Variants in CTTNBP2 observed in about 807,000 individuals in gnomAD.
The protein encoded by CTTNBP2 is cortactin binding protein 2, also known as cortactin-binding protein 2.
A neutral mutation model predicts 156.9 loss-of-function variants in CTTNBP2; 108 were observed. That is an observed-to-expected ratio of 0.69 (90% CI 0.59 to 0.81). The LOEUF (loss-of-function observed/expected upper bound fraction) is 0.81. Ranked by LOEUF, CTTNBP2 falls within the 30% of genes least tolerant of loss-of-function variation. CTTNBP2 has a pLI of 0.00. For synonymous variants in CTTNBP2, 767 were observed against 751.8 expected (o/e 1.02, Z -0.33); for missense variants, 1,924 against 2,035.4 (o/e 0.95, Z 1.05).
intron 12 of CTTNBP2, among the ~76,000 whole-genome samples, chr7:117,746,880 T>G (rs1796360542): frequency 6.6e-6 from 1 of 152,214 alleles, no homozygotes; most frequent in Non-Finnish European, 1.5e-5. Flanking sequence ...TTTATCCTCG[T>G]GTATAAGGAT....
chr7:117,795,137 C>A (rs998074878), intron 3 of CTTNBP2, among the ~76,000 whole-genome samples: 1 of 136,302 alleles, frequency 7.3e-6, no homozygotes, highest in African/African-American at 2.8e-5. Flanking sequence ...ACCTCATGAT[C>A]CACCCGCCTC....
intron 2 of CTTNBP2, among the ~76,000 whole-genome samples, chr7:117,837,864 C>G (rs1159125907): frequency 6.6e-6 from 1 of 152,034 alleles, no homozygotes; most frequent in Non-Finnish European, 1.5e-5. Context: ...GCCCAGATAC[C>G]CCAGAAAAGT....
intron 9 of CTTNBP2, among the ~76,000 whole-genome samples, chr7:117,764,109 G>GTACC (rs1797352275): frequency 6.6e-6 from 1 of 151,780 alleles, no homozygotes; most frequent in African/African-American, 2.4e-5. Context: ...CTCTTACTAG[G>GTACC]TACCAGTCAT....
At chr7:117,720,464 G>A (rs1316812453) in intron 20 of CTTNBP2, among the ~76,000 whole-genome samples, 1 of 152,122 alleles carries the variant, frequency 6.6e-6, no homozygotes, top group Non-Finnish European at 1.5e-5. Context: ...GGGAGGCCTA[G>A]GCAGATGGAT....
At chr7:117,740,493 G>T (rs1219290703) in intron 14 of CTTNBP2, among the ~76,000 whole-genome samples, 8 of 151,926 alleles carry the variant, frequency 5.3e-5, no homozygotes, top group African/African-American at 1.9e-4. Flanking sequence ...TCTCTTTAGA[G>T]AAAATAAGGT....
rs376821321 is a variant in CTTNBP2 at position 117,728,204 on chromosome 7, C to T, written c.3940G>A (p.Val1314Ile). Residue 1314 changes from valine to isoleucine, a missense_variant, in exon 17 of 23, where the codon GTC becomes ATC. By Grantham distance (29) the Val-to-Ile change is conservative. Coordinates refer to ENST00000160373, the MANE Select transcript of CTTNBP2 (RefSeq NM_033427.3). ...AGGCAGGAGTTAAGCTGACGCCAGA[C>T]GGACAGAGCCCAGTCGACAATCTTG... ...VCKIVDWALS[V>I]WRQLNSCLAR... 109 of 1,614,148 alleles carry T rather than the reference C, an allele frequency of 6.8e-5. No individual in the cohort carries two copies. Among genetic ancestry groups the T allele is most frequent in the African/African-American group, 9.3e-5 (7 of 75,052 alleles).
At chr7:117,830,235 T>A (rs1418051230) in intron 2 of CTTNBP2, among the ~76,000 whole-genome samples, 1 of 152,224 alleles carries the variant, frequency 6.6e-6, no homozygotes, top group Non-Finnish European at 1.5e-5. Context: ...CACAAGTACA[T>A]GTACAGCGTG....
At chr7:117,811,057 G>A (rs1800245746) in intron 2 of CTTNBP2, 68 bp from the exon 3 acceptor site, 3 of 1,243,296 alleles carry the variant, frequency 2.4e-6, no homozygotes, top group Non-Finnish European at 3.4e-6. Flanking sequence ...TTTATAAGAA[G>A]GTTTTGTGAT....
chr7:117,711,311 G>T lies in CTTNBP2; in HGVS notation c.*226C>A. 2.2e-6 allele frequency: 1 copy of T among 453,628 alleles called. No homozygotes were observed. Among genetic ancestry groups the T allele is most frequent in the Non-Finnish European group, 3.9e-6 (1 of 257,616 alleles). 28.1% of individuals were successfully genotyped at this position (453,628 alleles called of 1,614,324 possible). ...TATTATAAAACTACTTGAAAAGTTG[G>T]CATAACTTCCTGGTATTGAAGTTCA... On this transcript the variant is annotated 3_prime_UTR_variant, in exon 23 of 23. Transcript: ENST00000160373.
At chr7:117,841,522 C>T (rs143304281) in intron 2 of CTTNBP2, among the ~76,000 whole-genome samples, 77 of 152,138 alleles carry the variant, frequency 5.1e-4, no homozygotes, top group African/African-American at 1.8e-3. Context: ...TCTATATATA[C>T]ATGTGCCAGA....
At chr7:117,871,815 A>ACC (rs1400070953) in intron 1 of CTTNBP2, 1 of 373,330 alleles carries the variant, frequency 2.7e-6, no homozygotes, top group African/African-American at 3.2e-5. Context: ...ACACACACAC[A>ACC]CACCCTCTTT....
chr7:117,761,871 C>G (rs36026875), intron 9 of CTTNBP2, among the ~76,000 whole-genome samples: 1 of 152,030 alleles, frequency 6.6e-6, no homozygotes, highest in African/African-American at 2.4e-5. Context: ...TGTTTTAAAA[C>G]AACATGTGTT....
intron 16 of CTTNBP2, among the ~76,000 whole-genome samples, chr7:117,734,269 G>A (rs1372360584): frequency 6.6e-6 from 1 of 152,208 alleles, no homozygotes; most frequent in Non-Finnish European, 1.5e-5. Context: ...TCCTCCAAAT[G>A]TGGCCCATTG....
intron 2 of CTTNBP2, among the ~76,000 whole-genome samples, chr7:117,826,829 T>G (rs1404170608): frequency 1.8e-3 from 1 of 554 alleles, no homozygotes; most frequent in Non-Finnish European, 4.7e-3. Context: ...TACTGAGCAT[T>G]ATTATTATTA....
intron 12 of CTTNBP2, among the ~76,000 whole-genome samples, chr7:117,754,455 A>G (rs768911841): frequency 5.9e-5 from 9 of 152,232 alleles, no homozygotes; most frequent in Non-Finnish European, 2.9e-5. Context: ...TGTCTTATAC[A>G]TAGCTCTATC....
intron 12 of CTTNBP2, among the ~76,000 whole-genome samples, chr7:117,754,037 G>C (rs1796758341): frequency 6.6e-6 from 1 of 152,160 alleles, no homozygotes; most frequent in African/African-American, 2.4e-5. Context: ...CCATTCTCTG[G>C]CTCAAATTCC....
In CTTNBP2 at chr7:117,817,361, A is replaced by AATATATAT. The variant is rs59036381; in HGVS notation, c.190-6380_190-6373dup. 8.3e-4 allele frequency among the ~76,000 whole-genome samples: 44 copies of AATATATAT among 53,284 alleles called. 3 individuals carry two copies. The highest frequency in any genetic ancestry group is 3.3e-3 in the African/African-American group (44 of 13,388). 35.0% of individuals were successfully genotyped at this position (53,284 alleles called of 152,430 possible). ...AAAAAAAAAAAAAAAAAAAAAAAAA[A>AATATATAT]ATATATATATATATATATATATATA... On this transcript the variant is annotated intron_variant, in intron 2 of 22. Transcript: ENST00000160373.
At chr7:117,835,047 A>G (rs1330854661) in intron 2 of CTTNBP2, among the ~76,000 whole-genome samples, 1 of 152,242 alleles carries the variant, frequency 6.6e-6, no homozygotes, top group East Asian at 1.9e-4. Flanking sequence ...CGTCAATAAA[A>G]GCAAAAACAG....
intron 3 of CTTNBP2, among the ~76,000 whole-genome samples, chr7:117,795,348 A>G (rs1341792372): frequency 1.3e-5 from 2 of 152,196 alleles, no homozygotes; most frequent in Non-Finnish European, 2.9e-5. Flanking sequence ...GAAAATTTAA[A>G]TCGTATTTTA....
Sources: allele counts gnomAD v4.1 joint callset (sites outside exome capture counted in the v4.1 genomes callset), GRCh38; gene constraint gnomAD v4.1.1; transcripts MANE v1.5; gene names NCBI Gene and HGNC (gene_info 2026-07-23, HGNC 2026-07-21).